Variants in PALLD observed in about 807,000 individuals in gnomAD.
PALLD encodes palladin.
Under a neutral mutation model 123.5 loss-of-function variants are expected in PALLD, and 61 were observed. That is an observed-to-expected ratio of 0.49 (90% CI 0.40 to 0.61). The LOEUF (loss-of-function observed/expected upper bound fraction) is 0.61, where lower values mean the gene tolerates loss of function less well. PALLD is among the 20% of genes least tolerant of loss of function. The probability of loss-of-function intolerance (pLI) is 0.00; values close to 1 mark genes in which losing one functional copy is unlikely to be tolerated. For synonymous variants in PALLD, 465 were observed against 496.4 expected (o/e 0.94, Z 0.84); for missense variants, 1,273 against 1,377.0 (o/e 0.92, Z 1.20).
At chr4:168,779,983 C>G (rs1453484371) in intron 10 of PALLD, among the ~76,000 whole-genome samples, 1 of 152,020 alleles carries the variant, frequency 6.6e-6, no homozygotes, top group Admixed American at 6.6e-5. Context: ...ACTGCAACCT[C>G]CACCACCGGG....
chr4:168,872,488 C>T (rs891869006), intron 10 of PALLD, among the ~76,000 whole-genome samples: 8 of 152,214 alleles, frequency 5.3e-5, no homozygotes, highest in Admixed American at 1.3e-4. Flanking sequence ...ACATTTTAAA[C>T]TTATACATAA....
chr4:168,773,248 C>T (rs1734696709), intron 10 of PALLD, among the ~76,000 whole-genome samples: 1 of 152,146 alleles, frequency 6.6e-6, no homozygotes, highest in African/African-American at 2.4e-5. Context: ...ATCTGAACCC[C>T]CGAGCCTGCC....
At chr4:168,589,851 A>T (rs1771222908) in intron 2 of PALLD, among the ~76,000 whole-genome samples, 1 of 152,142 alleles carries the variant, frequency 6.6e-6, no homozygotes, top group Non-Finnish European at 1.5e-5. Flanking sequence ...TCCTCTCATG[A>T]TCCTCTCTGC....
intron 18 of PALLD, among the ~76,000 whole-genome samples, chr4:168,923,895 T>A (rs986880014): frequency 6.7e-6 from 1 of 149,422 alleles, no homozygotes; most frequent in Admixed American, 6.8e-5. Flanking sequence ...GTGGCAGTAG[T>A]TGGTTGAGGC....
At chr4:168,917,077 C>G (rs1279867784) in intron 17 of PALLD, among the ~76,000 whole-genome samples, 1 of 134,268 alleles carries the variant, frequency 7.4e-6, no homozygotes, top group Non-Finnish European at 1.6e-5. Context: ...GAGACGGAGT[C>G]TCCCTCTGTT....
chr4:168,769,176 T>G (rs968369796), intron 10 of PALLD, among the ~76,000 whole-genome samples: 2 of 152,196 alleles, frequency 1.3e-5, no homozygotes, highest in African/African-American at 4.8e-5. Context: ...GAACATTCAT[T>G]GTATCCCAGT....
chr4:168,682,024 G>A (rs1341049906), intron 4 of PALLD, among the ~76,000 whole-genome samples: 1 of 152,182 alleles, frequency 6.6e-6, no homozygotes, highest in African/African-American at 2.4e-5. Context: ...TTACTAAAAT[G>A]TGAGGACCAA....
chr4:168,678,938 G>A (rs1257572267), intron 3 of PALLD, among the ~76,000 whole-genome samples: 2 of 148,024 alleles, frequency 1.4e-5, no homozygotes, highest in Non-Finnish European at 3.0e-5. Context: ...GGTGTGGCAG[G>A]GTGTGTGTGG....
At chr4:168,863,889 T>C (rs1482856193) in intron 10 of PALLD, 1 of 152,248 alleles carries the variant, frequency 6.6e-6, no homozygotes, top group African/African-American at 2.4e-5. Flanking sequence ...CTAATCTTGG[T>C]TTCCTGGTAT....
At chr4:168,847,508 T>C (rs1006433178) in intron 10 of PALLD, among the ~76,000 whole-genome samples, 1 of 152,218 alleles carries the variant, frequency 6.6e-6, no homozygotes, top group Non-Finnish European at 1.5e-5. Flanking sequence ...AACATATGGG[T>C]GTTGTAAGTA....
At chr4:168,525,598 G>A (rs1302340939) in intron 2 of PALLD, among the ~76,000 whole-genome samples, 1 of 152,162 alleles carries the variant, frequency 6.6e-6, no homozygotes, top group Non-Finnish European at 1.5e-5. Flanking sequence ...TAGATATTTG[G>A]GAGAAATTTT....
chr4:168,829,163 T>C (rs1440417235), intron 10 of PALLD: 2 of 152,260 alleles, frequency 1.3e-5, no homozygotes. Flanking sequence ...ACCTTCAAAG[T>C]TGCAAACATT....
At chr4:168,878,691 G>GC (rs1400419814) in intron 10 of PALLD, among the ~76,000 whole-genome samples, 3 of 149,648 alleles carry the variant, frequency 2.0e-5, no homozygotes, top group African/African-American at 5.0e-5. Context: ...ATGGGGGGGG[G>GC]GGTGCTTAGC....
chr4:168,702,293 G>A (rs897287584), intron 8 of PALLD, among the ~76,000 whole-genome samples: 2 of 152,184 alleles, frequency 1.3e-5, no homozygotes, highest in African/African-American at 4.8e-5. Flanking sequence ...GCTCACTCCT[G>A]TAATCCCAGC....
At chr4:168,589,962 C>T (rs1028532917) in intron 2 of PALLD, among the ~76,000 whole-genome samples, 3 of 152,214 alleles carry the variant, frequency 2.0e-5, no homozygotes, top group African/African-American at 7.2e-5. Context: ...CCATTTGCAC[C>T]AAATGTCACA....
intron 10 of PALLD, among the ~76,000 whole-genome samples, chr4:168,744,392 G>A (rs1463189659): frequency 2.0e-5 from 3 of 152,152 alleles, no homozygotes; most frequent in Non-Finnish European, 4.4e-5. Flanking sequence ...TCTACAGGGT[G>A]CCTGCACATC....
At chr4:168,733,770 T>C (rs889034435) in intron 10 of PALLD, among the ~76,000 whole-genome samples, 5 of 150,640 alleles carry the variant, frequency 3.3e-5, no homozygotes, top group Non-Finnish European at 7.4e-5. Flanking sequence ...GTCTCGCTCT[T>C]TTGCCCTGGC....
In PALLD at chr4:168,666,962, G is replaced by A. The variant is rs1189760252; in HGVS notation, c.909-1228G>A. ...TCAAGAAATACTGTCCTGCTCCGTT[G>A]CCCCCAAAATAATATGGTTTGCATT... On this transcript the variant is annotated intron_variant, in intron 2 of 21. Transcript: ENST00000505667. 2.0e-5 allele frequency among the ~76,000 whole-genome samples: 3 copies of A among 152,116 alleles called. No homozygotes were observed. In the East Asian group the frequency reaches 5.8e-4, roughly 29 times the overall value.
At chr4:168,684,305 A>G (rs534091460) in intron 5 of PALLD, among the ~76,000 whole-genome samples, 1 of 152,314 alleles carries the variant, frequency 6.6e-6, no homozygotes, top group African/African-American at 2.4e-5. Context: ...TTCTACAAAG[A>G]CATGGAATGG....
Sources: gnomAD v4.1 joint callset for allele counts (sites outside exome capture counted in the v4.1 genomes callset) on GRCh38, gnomAD v4.1.1 for gene constraint, MANE v1.5 for transcripts, NCBI Gene and HGNC (gene_info 2026-07-23, HGNC 2026-07-21) for gene names.